Variants in MAF observed in about 807,000 individuals in gnomAD.
MAF encodes transcription factor Maf.
In MAF, 10 loss-of-function variants were observed where a neutral mutation model predicts 22.0. The ratio of observed to expected loss-of-function variants is 0.45; its 90% CI spans 0.28 to 0.77. The LOEUF (loss-of-function observed/expected upper bound fraction) is 0.77. Among genes scored for constraint, MAF ranks in the 30% least tolerant of loss-of-function variants. The probability of loss-of-function intolerance (pLI) is 0.12; values close to 1 mark genes in which losing one functional copy is unlikely to be tolerated. For missense variants in MAF, 544 were observed against 548.4 expected (o/e 0.99, Z 0.08); for synonymous variants, 337 against 255.8 (o/e 1.32, Z -3.03).
At chr16:79,409,797 T>G in the MAF span, among the ~76,000 whole-genome samples, 3 of 152,230 alleles carry the variant, frequency 2.0e-5, no homozygotes, top group African/African-American at 7.2e-5. Flanking sequence ...TGCTGTTCAG[T>G]GGATCTTCCT....
chr16:79,403,636 C>G, the MAF span, among the ~76,000 whole-genome samples: 1 of 152,188 alleles, frequency 6.6e-6, no homozygotes, highest in African/African-American at 2.4e-5. Context: ...GGGTTGAGTT[C>G]CTCTTCACCT....
At chr16:79,504,158 G>T in the MAF span, among the ~76,000 whole-genome samples, 1 of 152,130 alleles carries the variant, frequency 6.6e-6, no homozygotes, top group Non-Finnish European at 1.5e-5. Flanking sequence ...TAACTTGGCC[G>T]TTATGCTGTA....
At chr16:79,507,172 G>A in the MAF span, among the ~76,000 whole-genome samples, 1 of 151,236 alleles carries the variant, frequency 6.6e-6, no homozygotes, top group East Asian at 1.9e-4. Flanking sequence ...GGAGTGCAGG[G>A]GCGTGATCTC....
chr16:79,360,752 C>T, the MAF span, among the ~76,000 whole-genome samples: 1 of 152,158 alleles, frequency 6.6e-6, no homozygotes, highest in Admixed American at 6.5e-5. Flanking sequence ...AGAGAAGCGG[C>T]AAGATCCACT....
At chr16:79,403,174 C>T in the MAF span, among the ~76,000 whole-genome samples, 18 of 152,320 alleles carry the variant, frequency 1.2e-4, no homozygotes, top group African/African-American at 4.1e-4. Context: ...TCTGGCATGT[C>T]GTTCAATGCA....
the MAF span, among the ~76,000 whole-genome samples, chr16:79,216,154 GTATATGTATGTCGTGCACGTGTATATGTA>G: frequency 1.3e-5 from 2 of 148,560 alleles, no homozygotes; most frequent in African/African-American, 5.2e-5. Context: ...ATGCACATCT[GTATATGTATGTCGTGCACGTGTATATGTA>G]TATATGTCGT....
chr16:79,435,173 C>G, the MAF span, among the ~76,000 whole-genome samples: 1 of 152,176 alleles, frequency 6.6e-6, no homozygotes, highest in East Asian at 1.9e-4. Flanking sequence ...TATGCACGGA[C>G]ACACGTCCAT....
chr16:79,581,932 C>A (rs1315907577), downstream of MAF, among the ~76,000 whole-genome samples: 1 of 152,184 alleles, frequency 6.6e-6, no homozygotes, highest in African/African-American at 2.4e-5. Context: ...GAGTACCTGA[C>A]ACTATGTCCT....
chr16:79,401,690 A>C, the MAF span, among the ~76,000 whole-genome samples: 3 of 152,190 alleles, frequency 2.0e-5, no homozygotes, highest in African/African-American at 7.2e-5. Context: ...AATAATAATC[A>C]ATGAAATTTT....
the MAF span, among the ~76,000 whole-genome samples, chr16:79,532,722 G>C: frequency 6.6e-6 from 1 of 152,216 alleles, no homozygotes; most frequent in African/African-American, 2.4e-5. Context: ...GTGCATGCGT[G>C]AGTGCAGATA....
At chr16:79,510,629 G>T in the MAF span, among the ~76,000 whole-genome samples, 3 of 152,208 alleles carry the variant, frequency 2.0e-5, no homozygotes, top group African/African-American at 7.2e-5. Flanking sequence ...GTCATACCCA[G>T]AAGACTTGTG....
the MAF span, among the ~76,000 whole-genome samples, chr16:79,281,542 A>G: frequency 6.7e-6 from 1 of 148,556 alleles, no homozygotes; most frequent in African/African-American, 2.5e-5. Context: ...TCACTCTTTG[A>G]AGACTTTTTT....
the MAF span, among the ~76,000 whole-genome samples, chr16:79,235,805 G>A: frequency 8.0e-4 from 122 of 152,168 alleles, 3 homozygotes; most frequent in Middle Eastern, 0.02. Context: ...CACACCACTA[G>A]CATTAGTAGC....
At chr16:79,328,200 C>A in the MAF span, among the ~76,000 whole-genome samples, 2 of 152,060 alleles carry the variant, frequency 1.3e-5, no homozygotes, top group African/African-American at 4.8e-5. Context: ...CTTATTTTTT[C>A]TTCGCTTATT....
At chr16:79,583,469 C>A (rs1597830034), downstream of MAF, among the ~76,000 whole-genome samples, 3 of 152,134 alleles carry the variant, frequency 2.0e-5, no homozygotes, top group Non-Finnish European at 4.4e-5. Context: ...GGCCTCTCCC[C>A]TAGGTAAGTA....
At chr16:79,362,531 G>C in the MAF span, among the ~76,000 whole-genome samples, 2 of 152,182 alleles carry the variant, frequency 1.3e-5, no homozygotes, top group African/African-American at 4.8e-5. Flanking sequence ...GTCACCATTA[G>C]AAATAGTCCT....
downstream of MAF, chr16:79,585,842 A>C (rs903513623): frequency 1.9e-5 from 12 of 616,240 alleles, no homozygotes; most frequent in African/African-American, 2.1e-4. Context: ...AAAAAAAAAA[A>C]AAACTCAAGC....
the MAF span, among the ~76,000 whole-genome samples, chr16:79,479,015 C>T: frequency 3.3e-5 from 5 of 152,140 alleles, no homozygotes; most frequent in African/African-American, 1.2e-4. Flanking sequence ...TGCACCTGTG[C>T]ACCACCCCAG....
chr16:79,325,271 G>A, the MAF span, among the ~76,000 whole-genome samples: 1 of 152,214 alleles, frequency 6.6e-6, no homozygotes, highest in Admixed American at 6.5e-5. Flanking sequence ...TGGAAAGACA[G>A]ACGGCTGGAA....
Sources: gnomAD v4.1 joint callset for allele counts (sites outside exome capture counted in the v4.1 genomes callset) on GRCh38, gnomAD v4.1.1 for gene constraint, MANE v1.5 for transcripts, NCBI Gene and HGNC (gene_info 2026-07-23, HGNC 2026-07-21) for gene names.